The following CLNK variants were observed in gnomAD, a reference collection of about 807,000 sequenced individuals.
The protein encoded by CLNK is cytokine dependent hematopoietic cell linker.
Under a neutral mutation model 68.6 loss-of-function variants are expected in CLNK, and 74 were observed. The observed-to-expected ratio is 1.08, with a 90% confidence interval of 0.89 to 1.31. CLNK has a LOEUF of 1.31. CLNK is among the 50% of genes most tolerant of loss of function. The pLI is 0.00. For synonymous variants in CLNK, 198 were observed against 172.2 expected (o/e 1.15, Z -1.17); for missense variants, 553 against 515.3 (o/e 1.07, Z -0.71).
chr4:10,552,297 C>G (rs1719494083), intron 8 of CLNK, among the ~76,000 whole-genome samples: 3 of 152,176 alleles, frequency 2.0e-5, no homozygotes, highest in Admixed American at 6.5e-5. Flanking sequence ...TTGCCCCAAA[C>G]TCAACCACTT....
Position 10,679,393 on chromosome 4 carries a change from G to T in CLNK, c.-43+5275C>A, listed in dbSNP as rs536445494. Among the ~76,000 whole-genome samples, 268 of 152,272 alleles carry T rather than the reference G, an allele frequency of 1.8e-3. 5 individuals carry two copies. Among genetic ancestry groups the T allele is most frequent in the Non-Finnish European group, 1.9e-3 (132 of 68,030 alleles). ...AGATGGATGAAAGACTTACATGTTAGACCTAAAACCATAAAAACCCTAGAA... is the reference window on the plus strand; with the variant it reads ...AGATGGATGAAAGACTTACATGTTATACCTAAAACCATAAAAACCCTAGAA... On this transcript the variant is annotated intron_variant, in intron 1 of 18. Transcript: ENST00000226951.
chr4:10,513,418 A>T, intron 16 of CLNK, 46 bp downstream of exon 16: 1 of 1,575,006 alleles, frequency 6.3e-7, no homozygotes, highest in East Asian at 2.3e-5. Flanking sequence ...CTCTATTTAG[A>T]TGCCAAGTAC....
chr4:10,506,425 A>G (rs1295301568), intron 17 of CLNK, among the ~76,000 whole-genome samples: 1 of 152,200 alleles, frequency 6.6e-6, no homozygotes, highest in African/African-American at 2.4e-5. Flanking sequence ...CATGGTATGC[A>G]AGCAAAAAAT....
chr4:10,581,913 T>C (rs572758657), intron 4 of CLNK, among the ~76,000 whole-genome samples: 1 of 152,316 alleles, frequency 6.6e-6, no homozygotes, highest in East Asian at 1.9e-4. Flanking sequence ...TCAGCAAGTC[T>C]AAAGAATGGC....
chr4:10,633,187 C>G (rs1722955708), intron 2 of CLNK, among the ~76,000 whole-genome samples: 1 of 152,202 alleles, frequency 6.6e-6, no homozygotes, highest in Non-Finnish European at 1.5e-5. Context: ...ATCTGCCTGC[C>G]TCGGCCTCCC....
intron 1 of CLNK, among the ~76,000 whole-genome samples, chr4:10,678,427 C>T (rs1010246365): frequency 2.0e-5 from 3 of 152,072 alleles, no homozygotes; most frequent in African/African-American, 7.2e-5. Flanking sequence ...TGAAATTTGG[C>T]TAGGAAGGTA....
At chr4:10,499,156 C>T (rs1205233568) in intron 18 of CLNK, among the ~76,000 whole-genome samples, 1 of 152,062 alleles carries the variant, frequency 6.6e-6, no homozygotes, top group East Asian at 1.9e-4. Flanking sequence ...CTTTTATATG[C>T]CTACTTTATC....
At chr4:10,523,927 A>T (rs1183203075) in intron 14 of CLNK, 1 of 391,276 alleles carries the variant, frequency 2.6e-6, no homozygotes. Flanking sequence ...CTGGGGGATG[A>T]TGTGGGAGGA....
At chr4:10,692,597 G>A in the CLNK span, among the ~76,000 whole-genome samples, 1 of 152,304 alleles carries the variant, frequency 6.6e-6, no homozygotes, top group South Asian at 2.1e-4. Context: ...TGCAAAATGT[G>A]GAGGAAAGAA....
At chr4:10,621,011 G>A (rs927040106) in intron 2 of CLNK, among the ~76,000 whole-genome samples, 4 of 152,096 alleles carry the variant, frequency 2.6e-5, no homozygotes, top group Non-Finnish European at 4.4e-5. Flanking sequence ...TCAGGAGGCT[G>A]AGGCAGGATA....
chr4:10,602,158 C>T lies in CLNK; in HGVS notation c.12-4109G>A, dbSNP rs74709906. Among the ~76,000 whole-genome samples, 198 of 152,290 alleles carry T rather than the reference C, an allele frequency of 1.3e-3. 6 individuals are homozygous for T. In the East Asian group the frequency reaches 0.036, roughly 27 times the overall value. ...TCCTGCATGACCAGTCAATGATACC[C>T]ATCTAGTCCTCCTTCACATTTTCCT... On this transcript the variant is annotated intron_variant, in intron 2 of 18. Transcript: ENST00000226951.
At chr4:10,678,718 C>T (rs983053190) in intron 1 of CLNK, among the ~76,000 whole-genome samples, 2 of 152,094 alleles carry the variant, frequency 1.3e-5, no homozygotes, top group African/African-American at 4.8e-5. Flanking sequence ...CACTAGCATT[C>T]TTATACACCA....
chr4:10,580,543 C>T (rs1720740045), intron 4 of CLNK, among the ~76,000 whole-genome samples: 1 of 151,538 alleles, frequency 6.6e-6, no homozygotes, highest in South Asian at 2.1e-4. Flanking sequence ...GATGTGGAGG[C>T]GGAAGGCAGT....
chr4:10,591,520 G>A lies in CLNK; in HGVS notation c.83+6458C>T, dbSNP rs149012747. Among the ~76,000 whole-genome samples, 200 of 152,362 alleles carry A rather than the reference G, an allele frequency of 1.3e-3. 2 individuals are homozygous for A. The highest frequency in any genetic ancestry group is 4.6e-3 in the African/African-American group (192 of 41,590). On this transcript the variant is annotated intron_variant, in intron 3 of 18. Coordinates refer to ENST00000226951, the MANE Select transcript of CLNK (RefSeq NM_052964.4). ...GCTGAATGGGTAAGAGTGAGTGAAT[G>A]TGTGAGTGAATGAATGCCACAGGCA...
chr4:10,566,338 A>G (rs190939299), intron 5 of CLNK, among the ~76,000 whole-genome samples, 188 bp from the exon 6 acceptor site: 2 of 152,322 alleles, frequency 1.3e-5, no homozygotes, highest in African/African-American at 4.8e-5. Flanking sequence ...GATATCTCCC[A>G]ATATTCTCAT....
intron 2 of CLNK, among the ~76,000 whole-genome samples, chr4:10,606,532 C>A (rs1015039602): frequency 6.6e-6 from 1 of 151,962 alleles, no homozygotes; most frequent in African/African-American, 2.4e-5. Context: ...TTTATTATTA[C>A]TAAGTATTGT....
In CLNK at chr4:10,486,676, A is replaced by G. The variant is rs1163922008; in HGVS notation, c.*3791T>C. 3 of 152,122 alleles carry G rather than the reference A, an allele frequency of 2.0e-5. No homozygotes were observed. The highest frequency in any genetic ancestry group is 2.9e-5 in the Non-Finnish European group (2 of 68,030). The allele number at this position is 152,122 out of a possible 1,614,324, so 9.4% of individuals were successfully genotyped here. ...GTTACTTAAAAACACACACACACAC[A>G]CGCACACAGGCACAGGCACACACAT... On this transcript the variant is annotated 3_prime_UTR_variant, in exon 19 of 19. Transcript: ENST00000226951.
chr4:10,523,338 T>G (rs1718159066), intron 14 of CLNK, among the ~76,000 whole-genome samples: 1 of 152,080 alleles, frequency 6.6e-6, no homozygotes, highest in African/African-American at 2.4e-5. Flanking sequence ...GCTCACTGGG[T>G]CATTAGATAC....
chr4:10,677,708 T>G (rs189366212), intron 1 of CLNK, among the ~76,000 whole-genome samples: 1 of 152,244 alleles, frequency 6.6e-6, no homozygotes, highest in East Asian at 1.9e-4. Context: ...CCTTCTGCCA[T>G]GATTGTATGT....
Sources: allele counts gnomAD v4.1 joint callset (sites outside exome capture counted in the v4.1 genomes callset), GRCh38; gene constraint gnomAD v4.1.1; transcripts MANE v1.5; gene names NCBI Gene and HGNC (gene_info 2026-07-23, HGNC 2026-07-21).